KLHL13: variants seen among roughly 807,000 people sequenced by gnomAD.
KLHL13 encodes the protein kelch-like protein 13.
A neutral mutation model predicts 37.1 loss-of-function variants in KLHL13; 10 were observed. The observed-to-expected ratio is 0.27, with a 90% CI of 0.17 to 0.46. The LOEUF (loss-of-function observed/expected upper bound fraction) is 0.46. Ranked by LOEUF, KLHL13 falls within the 20% of genes least tolerant of loss-of-function variation. The pLI, the probability that KLHL13 is intolerant of heterozygous loss-of-function variation, is 1.00. For synonymous variants in KLHL13, 163 were observed against 181.2 expected, an observed-to-expected ratio of 0.90 and a Z score of 0.81; for missense variants, 360 against 509.3, an observed-to-expected ratio of 0.71 and a Z score of 2.82.
chrX:118,108,697 T>C (rs773537575), intron 1 of KLHL13, among the ~76,000 whole-genome samples: 2 of 112,707 alleles, frequency 1.8e-5, no homozygotes, highest in South Asian at 7.3e-4. Context: ...TTCAAATCAG[T>C]GAGACAGGCA....
chrX:118,090,831 A>C, intron 1 of KLHL13, among the ~76,000 whole-genome samples: 1 of 109,857 alleles, frequency 9.1e-6, no homozygotes, highest in East Asian at 2.9e-4. Flanking sequence ...ATGCACACGT[A>C]TGTTTATAGC....
At chrX:117,995,412 A>G (rs1184188085) in intron 1 of KLHL13, among the ~76,000 whole-genome samples, 2 of 111,855 alleles carry the variant, frequency 1.8e-5, no homozygotes, top group Non-Finnish European at 3.8e-5. Context: ...AAATCCACAT[A>G]AGATAAAAGT....
At chrX:117,985,159 C>T in intron 1 of KLHL13, 2 of 696,965 alleles carry the variant, frequency 2.9e-6, no homozygotes, top group Non-Finnish European at 4.1e-6. Context: ...TATCGCTTCA[C>T]AGCCACATAT....
intron 5 of KLHL13, among the ~76,000 whole-genome samples, chrX:117,903,173 G>GGAGAGC (rs1273696001): frequency 1.0e-5 from 1 of 96,707 alleles, no homozygotes; most frequent in Non-Finnish European, 2.0e-5. Context: ...GAGAGAGAGA[G>GGAGAGC]GAGAGCGAGA....
intron 1 of KLHL13, among the ~76,000 whole-genome samples, chrX:118,075,294 A>G (rs1193186342): frequency 9.0e-6 from 1 of 111,676 alleles, no homozygotes; most frequent in Non-Finnish European, 1.9e-5. Flanking sequence ...GTTTATGTGT[A>G]ACTCAAAAAA....
intron 1 of KLHL13, among the ~76,000 whole-genome samples, chrX:118,081,586 C>A (rs1415384144): frequency 9.0e-6 from 1 of 111,568 alleles, no homozygotes; most frequent in Non-Finnish European, 1.9e-5. Context: ...TTTATCATTT[C>A]TTTGTGCTGG....
At chrX:117,955,350 C>T (rs1336395284) in intron 1 of KLHL13, among the ~76,000 whole-genome samples, 2 of 111,409 alleles carry the variant, frequency 1.8e-5, no homozygotes, top group African/African-American at 6.5e-5. Flanking sequence ...CATGAAAAAA[C>T]CTAAGAGTAA....
At chrX:118,072,252 G>C (rs1366999837) in intron 1 of KLHL13, among the ~76,000 whole-genome samples, 574 of 75,813 alleles carry the variant, frequency 7.6e-3, no homozygotes, top group Admixed American at 8.2e-3. Context: ...TTTAATAAAT[G>C]GTGCTGGGAA....
At chrX:117,983,939 A>G (rs2053694764) in intron 1 of KLHL13, among the ~76,000 whole-genome samples, 1 of 111,805 alleles carries the variant, frequency 8.9e-6, no homozygotes, top group South Asian at 3.7e-4. Flanking sequence ...TTAAGCCTAA[A>G]GGTCAATTCT....
rs771130509 is a variant in KLHL13, at chrX:117,970,410, G to A, written c.98+2321C>T. Among the ~76,000 whole-genome samples, 15 of 111,529 alleles carry A rather than the reference G, an allele frequency of 1.3e-4. No individual in the cohort carries two copies. In the South Asian group the frequency reaches 5.6e-3, roughly 42 times the overall value. Reference sequence around the variant, plus strand: ...CCTATATATCACGATTTATTGAGGAGTCAGAATTGAACAATTCTATTTCAG... The same window carrying A: ...CCTATATATCACGATTTATTGAGGAATCAGAATTGAACAATTCTATTTCAG... On this transcript the variant is annotated intron_variant, in intron 1 of 6. Transcript: ENST00000262820.
chrX:117,950,687 C>G, intron 1 of KLHL13, among the ~76,000 whole-genome samples: 1 of 111,981 alleles, frequency 8.9e-6, no homozygotes, highest in Non-Finnish European at 1.9e-5. Context: ...AATCAAGGCA[C>G]TGACTATCCA....
intron 1 of KLHL13, among the ~76,000 whole-genome samples, chrX:118,065,602 G>A (rs1356563696): frequency 8.9e-6 from 1 of 111,736 alleles, no homozygotes; most frequent in East Asian, 2.8e-4. Flanking sequence ...TCTTCAGAAA[G>A]ACAGAGGTGT....
At chrX:117,944,598 G>A (rs1352459228) in intron 2 of KLHL13, among the ~76,000 whole-genome samples, 1 of 111,348 alleles carries the variant, frequency 9.0e-6, no homozygotes, top group African/African-American at 3.3e-5. Flanking sequence ...AAATCCATCT[G>A]GGGAGATTTC....
intron 1 of KLHL13, among the ~76,000 whole-genome samples, chrX:117,965,691 A>G (rs754324836): frequency 5.4e-4 from 60 of 111,680 alleles, no homozygotes; most frequent in African/African-American, 1.9e-3. Flanking sequence ...CAGCACATCA[A>G]AAAGCTTATC....
chrX:117,908,360 A>G (rs1444238808), intron 5 of KLHL13, among the ~76,000 whole-genome samples: 1 of 109,130 alleles, frequency 9.2e-6, no homozygotes, highest in Admixed American at 1.0e-4. Context: ...TGTCACCTAC[A>G]TTAGGTATTT....
chrX:118,000,662 A>T (rs907385724), intron 1 of KLHL13, among the ~76,000 whole-genome samples: 1 of 112,211 alleles, frequency 8.9e-6, no homozygotes, highest in African/African-American at 3.2e-5. Context: ...ACACTTGGAA[A>T]TCAATTTTTT....
At chrX:118,050,937 G>C (rs1284266517) in intron 1 of KLHL13, among the ~76,000 whole-genome samples, 1 of 112,011 alleles carries the variant, frequency 8.9e-6, no homozygotes, top group Non-Finnish European at 1.9e-5. Context: ...TCGGTCTAGA[G>C]AATCTGCATT....
intron 4 of KLHL13, among the ~76,000 whole-genome samples, chrX:117,915,488 G>C (rs185959528): frequency 9.0e-6 from 1 of 111,187 alleles, no homozygotes; most frequent in African/African-American, 3.3e-5. Flanking sequence ...TAACAAATGT[G>C]CAGGTGAAAC....
At chrX:118,046,985 C>A (rs1428126969) in intron 1 of KLHL13, among the ~76,000 whole-genome samples, 1 of 111,237 alleles carries the variant, frequency 9.0e-6, no homozygotes, top group Non-Finnish European at 1.9e-5. Context: ...AAAAACAAAA[C>A]AAAAATAAAT....
Sources: gnomAD v4.1 joint callset for allele counts (sites outside exome capture counted in the v4.1 genomes callset) on GRCh38, gnomAD v4.1.1 for gene constraint, MANE v1.5 for transcripts, NCBI Gene and HGNC (gene_info 2026-07-23, HGNC 2026-07-21) for gene names.